TAS2R1: variants seen among roughly 807,000 people sequenced by gnomAD.
TAS2R1 encodes taste 2 receptor member 1.
For missense variants in TAS2R1, 370 were observed against 353.4 expected (o/e 1.05, Z -0.38); for synonymous variants, 141 against 134.2 (o/e 1.05, Z -0.35).
At chr5:9,867,388 C>G in the TAS2R1 span, among the ~76,000 whole-genome samples, 3 of 152,118 alleles carry the variant, frequency 2.0e-5, no homozygotes, top group Non-Finnish European at 4.4e-5. Flanking sequence ...GCCTCACAAT[C>G]ATGGTGGAAG....
chr5:9,881,793 C>T, the TAS2R1 span, among the ~76,000 whole-genome samples: 1 of 152,178 alleles, frequency 6.6e-6, no homozygotes, highest in Non-Finnish European at 1.5e-5. Flanking sequence ...GCTGGGAGAA[C>T]TGGCTAGCCA....
upstream of TAS2R1, among the ~76,000 whole-genome samples, chr5:9,712,778 G>T (rs571736306): frequency 2.5e-3 from 385 of 152,270 alleles, 2 homozygotes; most frequent in Middle Eastern, 0.01. Flanking sequence ...ACATACAGAT[G>T]GGTGTGTGTA....
chr5:9,696,553 T>C (rs1349715711), intron 1 of TAS2R1, among the ~76,000 whole-genome samples: 8 of 151,614 alleles, frequency 5.3e-5, no homozygotes, highest in Non-Finnish European at 2.9e-5. Context: ...CAGAGCGAGA[T>C]GCCATCTCAA....
At chr5:9,736,134 C>T in the TAS2R1 span, among the ~76,000 whole-genome samples, 1 of 152,240 alleles carries the variant, frequency 6.6e-6, no homozygotes, top group Non-Finnish European at 1.5e-5. Context: ...GATTCCACTG[C>T]TCCTCTCAGT....
intron 1 of TAS2R1, among the ~76,000 whole-genome samples, chr5:9,687,190 C>T (rs1741142142): frequency 6.6e-6 from 1 of 152,104 alleles, no homozygotes. Context: ...AGCATAGTCT[C>T]GAACTCCCGA....
rs1055304994 is a variant in TAS2R1 at position 9,629,610 on chromosome 5, A to C, written c.423T>G (p.Cys141Trp). ...LGSLLYVSMI[C>W]VFHSKYAGFM... ...ACCCTGCATATTTGCTATGGAAAACACAAATCATAGATACATATAGCAGAG... is the reference window on the plus strand; with the variant it reads ...ACCCTGCATATTTGCTATGGAAAACCCAAATCATAGATACATATAGCAGAG... Residue 141 changes from cysteine (C) to tryptophan (W), a missense_variant, in exon 1 of 1, where the codon TGT (cysteine) becomes TGG (tryptophan). Cys to Trp is a radical substitution (Grantham distance 215). Transcript: ENST00000382492. 1.2e-6 allele frequency: 2 copies of C among 1,614,102 alleles called. No homozygotes were observed. Among genetic ancestry groups the C allele is most frequent in the Non-Finnish European group, 8.5e-7 (1 of 1,180,048 alleles).
chr5:9,673,275 A>G (rs568630540), intron 1 of TAS2R1, among the ~76,000 whole-genome samples: 5 of 152,284 alleles, frequency 3.3e-5, no homozygotes, highest in African/African-American at 1.2e-4. Context: ...CAAACTGCAC[A>G]TTTACCCCTG....
chr5:9,774,631 GC>G, the TAS2R1 span, among the ~76,000 whole-genome samples: 1 of 152,234 alleles, frequency 6.6e-6, no homozygotes, highest in Admixed American at 6.5e-5. Flanking sequence ...TGGTCATGTA[GC>G]CATATCTGCA....
At chr5:9,895,252 C>G in the TAS2R1 span, among the ~76,000 whole-genome samples, 1 of 152,228 alleles carries the variant, frequency 6.6e-6, no homozygotes, top group African/African-American at 2.4e-5. Context: ...GGAAAGCCAA[C>G]ACATGAGGAG....
At chr5:9,731,163 G>A in the TAS2R1 span, among the ~76,000 whole-genome samples, 4 of 151,918 alleles carry the variant, frequency 2.6e-5, no homozygotes, top group Admixed American at 6.6e-5. Flanking sequence ...GCCAGCCCAC[G>A]CCCAAGCCCT....
At chr5:9,708,323 G>T (rs1475016890) in intron 1 of TAS2R1, among the ~76,000 whole-genome samples, 1 of 152,192 alleles carries the variant, frequency 6.6e-6, no homozygotes, top group Non-Finnish European at 1.5e-5. Context: ...GTGCCGCAGA[G>T]CAGATTCAAT....
At chr5:9,851,934 C>T in the TAS2R1 span, among the ~76,000 whole-genome samples, 32 of 152,268 alleles carry the variant, frequency 2.1e-4, no homozygotes, top group African/African-American at 6.7e-4. Context: ...CAGACAGCTT[C>T]AGATAGAGGC....
chr5:9,840,705 T>A, the TAS2R1 span, among the ~76,000 whole-genome samples: 2 of 151,970 alleles, frequency 1.3e-5, no homozygotes, highest in Non-Finnish European at 2.9e-5. Context: ...GTGTTTCTGA[T>A]AGGATTACTT....
upstream of TAS2R1, among the ~76,000 whole-genome samples, chr5:9,631,021 A>G (rs536911716): frequency 4.9e-4 from 74 of 152,262 alleles, 1 homozygote; most frequent in African/African-American, 1.6e-3. Context: ...GTCCTGTGCA[A>G]TCTAGGAAAT....
chr5:9,813,791 A>G, the TAS2R1 span, among the ~76,000 whole-genome samples: 1 of 152,216 alleles, frequency 6.6e-6, no homozygotes, highest in Non-Finnish European at 1.5e-5. Flanking sequence ...TCAAATTTAT[A>G]GAATTGAAAG....
At chr5:9,651,544 G>A (rs906618583) in intron 2 of TAS2R1, among the ~76,000 whole-genome samples, 20 of 152,118 alleles carry the variant, frequency 1.3e-4, no homozygotes, top group Non-Finnish European at 2.8e-4. Flanking sequence ...TTTTTTTCAT[G>A]TTAATATAAG....
the TAS2R1 span, among the ~76,000 whole-genome samples, chr5:9,876,590 T>G: frequency 1.3e-5 from 2 of 152,230 alleles, no homozygotes; most frequent in Non-Finnish European, 2.9e-5. Context: ...TTGCCTTTGC[T>G]GGTGGGGTTT....
At chr5:9,870,258 G>C in the TAS2R1 span, 1 of 152,180 alleles carries the variant, frequency 6.6e-6, no homozygotes, top group Non-Finnish European at 1.5e-5. Context: ...TTACAGCTTT[G>C]GCCTTGGTCT....
the TAS2R1 span, among the ~76,000 whole-genome samples, chr5:9,855,312 G>A: frequency 1.5e-4 from 23 of 152,120 alleles, no homozygotes; most frequent in Non-Finnish European, 2.2e-4. Flanking sequence ...GGGAAAATCC[G>A]GCCAGGATAA....
Sources: gnomAD v4.1 joint callset for allele counts (sites outside exome capture counted in the v4.1 genomes callset) on GRCh38, gnomAD v4.1.1 for gene constraint, MANE v1.5 for transcripts, NCBI Gene and HGNC (gene_info 2026-07-23, HGNC 2026-07-21) for gene names.